Variants in SNX13 observed in about 807,000 individuals in gnomAD.
The protein encoded by SNX13 is sorting nexin-13.
Under a neutral mutation model 133.6 loss-of-function variants are expected in SNX13, and 45 were observed. That is an observed-to-expected ratio of 0.34 (90% CI 0.27 to 0.43). The LOEUF (loss-of-function observed/expected upper bound fraction) is 0.43. Ranked by LOEUF, SNX13 falls within the 20% of genes least tolerant of loss-of-function variation. The probability of loss-of-function intolerance (pLI) is 1.00; values close to 1 mark genes in which losing one functional copy is unlikely to be tolerated. For missense variants in SNX13, 1,032 were observed against 1,145.1 expected, an observed-to-expected ratio of 0.90 and a Z score of 1.43; for synonymous variants, 414 against 373.9, an observed-to-expected ratio of 1.11 and a Z score of -1.24.
chr7:17,875,886 T>C, intron 5 of SNX13, 96 bp from the exon 6 acceptor site: 8 of 975,152 alleles, frequency 8.2e-6, no homozygotes, highest in Non-Finnish European at 1.0e-5. Context: ...CATGATTATC[T>C]GAGACTGTAA....
rs2128280043 is a variant in SNX13 at position 17,792,513 on chromosome 7, G to C, written c.*1532C>G. 6.6e-6 allele frequency: 1 copy of C among 152,426 alleles called. No individual in the cohort carries two copies. Among genetic ancestry groups the C allele is most frequent in the East Asian group, 1.9e-4 (1 of 5,166 alleles). 9.4% of individuals were successfully genotyped at this position (152,426 alleles called of 1,614,324 possible). ...TTAATAACCCTCACTTTGTAAGTAG[G>C]ATCTAAGTGAAAACAAGACAGTGAT... is the stretch of plus-strand genomic sequence containing the variant. On this transcript the variant is annotated 3_prime_UTR_variant, in exon 26 of 26. Coordinates refer to ENST00000428135, the MANE Select transcript of SNX13 (RefSeq NM_015132.5).
At chr7:17,834,634 T>C (rs1583412970) in intron 14 of SNX13, 127 bp downstream of exon 14, 1 of 528,024 alleles carries the variant, frequency 1.9e-6, no homozygotes, top group Non-Finnish European at 3.3e-6. Context: ...AATTGAGAAG[T>C]ATAATTGCCA....
intron 22 of SNX13, among the ~76,000 whole-genome samples, chr7:17,800,872 G>C (rs1319687193): frequency 1.3e-5 from 2 of 151,236 alleles, no homozygotes; most frequent in Non-Finnish European, 3.0e-5. Context: ...ATAACAACCA[G>C]AATGGCTAAA....
chr7:17,798,495 T>C (rs535850096), intron 24 of SNX13, among the ~76,000 whole-genome samples, 195 bp downstream of exon 24: 109 of 151,916 alleles, frequency 7.2e-4, no homozygotes, highest in Non-Finnish European at 1.3e-3. Context: ...TTTCCTATTC[T>C]GGTTTTAAAG....
chr7:17,850,815 A>T lies in SNX13; in HGVS notation c.976+11T>A, dbSNP rs765388431. ...CAAAAAAATATATCTTAAATTAAAT[A>T]CATTACTTACCATCACCAGCTGTAT... On this transcript the variant is annotated intron_variant, in intron 10 of 25. Transcript: ENST00000428135. 6.5e-7 allele frequency: 1 copy of T among 1,543,656 alleles called. No individual in the cohort carries two copies. The highest frequency in any genetic ancestry group is 8.7e-7 in the Non-Finnish European group (1 of 1,152,622).
chr7:17,862,678 T>C lies in SNX13; in HGVS notation c.837+5729A>G, dbSNP rs961395346. 2.2e-4 allele frequency among the ~76,000 whole-genome samples: 33 copies of C among 152,222 alleles called. 1 individual carries two copies. Among genetic ancestry groups the C allele is most frequent in the Non-Finnish European group, 1.2e-4 (8 of 68,042 alleles). On this transcript the variant is annotated intron_variant, in intron 9 of 25. Coordinates refer to ENST00000428135, the MANE Select transcript of SNX13 (RefSeq NM_015132.5). ...ATTCAATTGTATCAATGTGTTATTA[T>C]ATATTAACTAATCCCCTATTTGGGA... is the stretch of plus-strand genomic sequence containing the variant.
chr7:17,868,196 G>A (rs756827011), intron 9 of SNX13: 4 of 494,432 alleles, frequency 8.1e-6, no homozygotes, highest in African/African-American at 2.0e-5. Context: ...ATAACCGCAA[G>A]GAAGATAATC....
chr7:17,886,306 A>G (rs114485063), intron 5 of SNX13, among the ~76,000 whole-genome samples: 2,686 of 152,182 alleles, frequency 0.018, 82 homozygotes, highest in African/African-American at 0.062. Context: ...ACAGTGACTC[A>G]CGCCTGTAAT....
intron 7 of SNX13, among the ~76,000 whole-genome samples, chr7:17,874,870 C>T (rs1583577217): frequency 1.3e-5 from 2 of 152,104 alleles, no homozygotes; most frequent in East Asian, 1.9e-4. Context: ...TGTATCATTC[C>T]CTTAGGAAAT....
chr7:17,916,715 C>A (rs1024310261), intron 1 of SNX13, among the ~76,000 whole-genome samples: 1 of 151,386 alleles, frequency 6.6e-6, no homozygotes, highest in Non-Finnish European at 1.5e-5. Flanking sequence ...GGATTCACAG[C>A]CAAATTCTAC....
At chr7:17,940,220 T>C (rs1161525225) in intron 1 of SNX13, 64 bp downstream of exon 1, 5 of 1,550,564 alleles carry the variant, frequency 3.2e-6, no homozygotes, top group Admixed American at 2.0e-5. Context: ...TGATGTTCTC[T>C]GACGGGCTGG....
At chr7:17,821,682 C>A (rs200725940) in intron 17 of SNX13, 34 bp from the exon 18 acceptor site, 2 of 1,557,518 alleles carry the variant, frequency 1.3e-6, no homozygotes, top group South Asian at 1.2e-5. Flanking sequence ...TCAGCATATA[C>A]TAATCATTTA....
chr7:17,887,737 C>T (rs532072126), intron 5 of SNX13, among the ~76,000 whole-genome samples: 4 of 152,140 alleles, frequency 2.6e-5, no homozygotes, highest in South Asian at 2.1e-4. Context: ...CAGTGACATT[C>T]TCTAATTGTT....
At chr7:17,843,192 C>G (rs1389519487) in intron 12 of SNX13, among the ~76,000 whole-genome samples, 1 of 151,894 alleles carries the variant, frequency 6.6e-6, no homozygotes, top group East Asian at 1.9e-4. Flanking sequence ...TCTACAAAGA[C>G]TTTAGATACA....
At chr7:17,837,977 C>T (rs749625735) in intron 13 of SNX13, among the ~76,000 whole-genome samples, 41 of 151,700 alleles carry the variant, frequency 2.7e-4, no homozygotes, top group African/African-American at 8.2e-4. Context: ...CTTTTGGCCT[C>T]GTCAAAGATC....
chr7:17,831,606 C>T lies in SNX13; in HGVS notation c.1598-1559G>A, dbSNP rs545061262. 119 of 984,024 alleles carry T rather than the reference C, an allele frequency of 1.2e-4. No homozygotes were observed. In the African/African-American group the frequency reaches 2.0e-3, roughly 17 times the overall value. The allele number at this position is 984,024 out of a possible 1,614,324, so 61.0% of individuals were successfully genotyped here. ...TACAGTACTATACCATATGATATGA[C>T]TTGGTCCTTTAATTTTAGGCTCAAA... is the stretch of plus-strand genomic sequence containing the variant. On this transcript the variant is annotated intron_variant, in intron 15 of 25. Coordinates refer to ENST00000428135, the MANE Select transcript of SNX13 (RefSeq NM_015132.5).
chr7:17,897,792 T>C (rs1269719081), intron 1 of SNX13: 1 of 157,198 alleles, frequency 6.4e-6, no homozygotes, highest in Non-Finnish European at 1.4e-5. Context: ...TGTACATTTA[T>C]ATTTGCAAAT....
intron 9 of SNX13, among the ~76,000 whole-genome samples, chr7:17,864,140 C>T (rs760010983): frequency 2.0e-5 from 3 of 152,094 alleles, no homozygotes; most frequent in Non-Finnish European, 4.4e-5. Context: ...TGAACATCTA[C>T]AAGCACCAAG....
At chr7:17,841,640 A>G (rs1409579684) in intron 12 of SNX13, among the ~76,000 whole-genome samples, 1 of 151,554 alleles carries the variant, frequency 6.6e-6, no homozygotes, top group African/African-American at 2.4e-5. Flanking sequence ...TTCAAAGAGG[A>G]AAAAAAGCCA....
Sources: gnomAD v4.1 joint callset for allele counts (sites outside exome capture counted in the v4.1 genomes callset) on GRCh38, gnomAD v4.1.1 for gene constraint, MANE v1.5 for transcripts, NCBI Gene and HGNC (gene_info 2026-07-23, HGNC 2026-07-21) for gene names.